The following MRAS variants were observed in gnomAD, a reference collection of about 807,000 sequenced individuals.
MRAS encodes ras-related protein M-Ras.
A neutral mutation model predicts 20.9 loss-of-function variants in MRAS; 4 were observed. The observed-to-expected ratio is 0.19, with a 90% CI of 0.09 to 0.44. The LOEUF (loss-of-function observed/expected upper bound fraction) is 0.44, where lower values mean the gene tolerates loss of function less well. Among genes scored for constraint, MRAS ranks in the 20% least tolerant of loss-of-function variants. The pLI, the probability that MRAS is intolerant of heterozygous loss-of-function variation, is 0.99. For missense variants in MRAS, 154 were observed against 277.5 expected (o/e 0.56, Z 3.16); for synonymous variants, 98 against 102.9 (o/e 0.95, Z 0.29).
intron 1 of MRAS, among the ~76,000 whole-genome samples, chr3:138,351,650 G>A (rs74985933): frequency 0.015 from 2,270 of 152,318 alleles, 18 homozygotes; most frequent in Middle Eastern, 0.027. Flanking sequence ...CAGTAAGTAA[G>A]ATTAAGCAGA....
intron 2 of MRAS, among the ~76,000 whole-genome samples, chr3:138,391,491 A>G (rs993802536): frequency 2.0e-5 from 3 of 152,234 alleles, no homozygotes; most frequent in Admixed American, 6.5e-5. Flanking sequence ...TCAAAATCTG[A>G]AACTTTTTGA....
intron 5 of MRAS, among the ~76,000 whole-genome samples, chr3:138,400,907 A>G (rs1231974185): frequency 6.6e-6 from 1 of 152,156 alleles, no homozygotes; most frequent in Non-Finnish European, 1.5e-5. Flanking sequence ...AGCTCCCTCC[A>G]GCCTGGCTTC....
chr3:138,367,321 C>T (rs1221951236), intron 1 of MRAS, among the ~76,000 whole-genome samples: 1 of 152,158 alleles, frequency 6.6e-6, no homozygotes, highest in Non-Finnish European at 1.5e-5. Flanking sequence ...GGAAACTGGG[C>T]ACCAGGAAGT....
chr3:138,359,759 C>T (rs1288173412), intron 1 of MRAS, among the ~76,000 whole-genome samples: 1 of 152,160 alleles, frequency 6.6e-6, no homozygotes, highest in Non-Finnish European at 1.5e-5. Context: ...CCTTTGATCT[C>T]ACACCTCCTT....
chr3:138,349,177 G>A (rs1560155342), intron 1 of MRAS: 2 of 152,194 alleles, frequency 1.3e-5, no homozygotes, highest in Non-Finnish European at 2.9e-5. Flanking sequence ...GATCCGCCAG[G>A]GAGTTGACAA....
intron 1 of MRAS, among the ~76,000 whole-genome samples, chr3:138,365,750 C>G (rs1436921661): frequency 6.6e-6 from 1 of 152,220 alleles, no homozygotes; most frequent in Non-Finnish European, 1.5e-5. Flanking sequence ...AACAGATTTT[C>G]TCTCTGGAGC....
intron 3 of MRAS, 24 bp downstream of exon 3, chr3:138,397,501 G>T (rs763014668): frequency 6.2e-7 from 1 of 1,613,120 alleles, no homozygotes; most frequent in Non-Finnish European, 8.5e-7. Context: ...ACAGGTGAGA[G>T]TACCGGGAAG....
chr3:138,373,321 C>T (rs1334434181), intron 2 of MRAS, among the ~76,000 whole-genome samples: 1 of 152,204 alleles, frequency 6.6e-6, no homozygotes, highest in African/African-American at 2.4e-5. Flanking sequence ...ATCATGCCAA[C>T]TCAGTGATGT....
chr3:138,394,509 G>A (rs1301862019), intron 2 of MRAS, among the ~76,000 whole-genome samples: 2 of 152,122 alleles, frequency 1.3e-5, no homozygotes, highest in Non-Finnish European at 2.9e-5. Flanking sequence ...CCCAGGCATC[G>A]CTGGATAGCT....
At chr3:138,394,103 A>G (rs1386618785) in intron 2 of MRAS, among the ~76,000 whole-genome samples, 2 of 113,330 alleles carry the variant, frequency 1.8e-5, no homozygotes, top group Non-Finnish European at 4.2e-5. Context: ...TTTTCTAAGA[A>G]AAAAAAAAGC....
At chr3:138,396,432 G>T (rs1051286343) in intron 2 of MRAS, among the ~76,000 whole-genome samples, 2 of 152,174 alleles carry the variant, frequency 1.3e-5, no homozygotes, top group Non-Finnish European at 2.9e-5. Flanking sequence ...GCAGCAGGGG[G>T]ACTGGGAAGA....
intron 1 of MRAS, among the ~76,000 whole-genome samples, chr3:138,361,743 C>T (rs777456240): frequency 1.1e-3 from 171 of 152,140 alleles, no homozygotes; most frequent in Non-Finnish European, 1.1e-3. Flanking sequence ...TGGGGAACCC[C>T]AGAGTGTGCA....
At chr3:138,350,589 T>G (rs1024137422) in intron 1 of MRAS, among the ~76,000 whole-genome samples, 3 of 152,178 alleles carry the variant, frequency 2.0e-5, no homozygotes, top group African/African-American at 7.2e-5. Context: ...AGCGATTGTC[T>G]CCAGCGTTGT....
chr3:138,405,026 CT>C lies in MRAS; in HGVS notation c.*2765del, dbSNP rs2055430439. 2 of 152,298 alleles carry C rather than the reference CT, an allele frequency of 1.3e-5. No individual in the cohort carries two copies. The highest frequency in any genetic ancestry group is 2.9e-5 in the Non-Finnish European group (2 of 68,074). The allele number at this position is 152,298 out of a possible 1,614,324, so 9.4% of individuals were successfully genotyped here. On this transcript the variant is annotated 3_prime_UTR_variant, in exon 6 of 6. Coordinates refer to ENST00000423968, the MANE Select transcript of MRAS (RefSeq NM_001085049.3). Reference sequence around the variant, plus strand: ...TTGACACCCTCCTTAGAGGGCTGCTCTTTTTTTTCCAGAGATAATCCTAGCC... The same window carrying C: ...TTGACACCCTCCTTAGAGGGCTGCTCTTTTTTTCCAGAGATAATCCTAGCC...
At position 138,403,375 on chromosome 3, in the gene MRAS, AT is replaced by A. The variant is rs2055398305; in HGVS notation, c.*1107del. ...TAACCAAAAATGATTCAATACTGTT[AT>A]CACTAAAACAGCACCAAGACCTGAA... is the stretch of plus-strand genomic sequence containing the variant. On this transcript the variant is annotated 3_prime_UTR_variant, in exon 6 of 6. Transcript: ENST00000423968. 1 of 152,282 alleles carries A rather than the reference AT, an allele frequency of 6.6e-6. No individual in the cohort carries two copies. 9.4% of individuals were successfully genotyped at this position (152,282 alleles called of 1,614,324 possible). A position where few individuals can be genotyped will look rare whatever the true frequency, so the allele number is the denominator to read the frequency against.
chr3:138,394,688 CCT>C (rs1488546745), intron 2 of MRAS, among the ~76,000 whole-genome samples: 1 of 152,206 alleles, frequency 6.6e-6, no homozygotes, highest in Non-Finnish European at 1.5e-5. Flanking sequence ...TCCCCCAAAC[CCT>C]GTTTCTCACC....
intron 2 of MRAS, 33 bp from the exon 3 acceptor site, chr3:138,397,291 G>A: frequency 6.2e-7 from 1 of 1,610,290 alleles, no homozygotes. Flanking sequence ...GGGTAGGTGA[G>A]GACAGCCCCT....
chr3:138,357,326 C>CT (rs1018911927), intron 1 of MRAS, among the ~76,000 whole-genome samples: 2 of 152,238 alleles, frequency 1.3e-5, no homozygotes, highest in African/African-American at 4.8e-5. Context: ...GACTCAGGGA[C>CT]TTTCAGTCCT....
chr3:138,383,600 T>A lies in MRAS; in HGVS notation c.193+10524T>A, dbSNP rs148779585. Among the ~76,000 whole-genome samples the A allele has an allele frequency of 8.5e-4, 129 of 152,176 alleles. 1 individual carries two copies. The highest frequency in any genetic ancestry group is 2.8e-3 in the African/African-American group (117 of 41,514). On this transcript the variant is annotated intron_variant, in intron 2 of 5. Coordinates refer to ENST00000423968, the MANE Select transcript of MRAS (RefSeq NM_001085049.3). ...CCCTGTGTCTAGGGAGGTTCAGGAGTGAGGCTTGAGCCCCTGACTTAGGGA... is the reference window on the plus strand; with the variant it reads ...CCCTGTGTCTAGGGAGGTTCAGGAGAGAGGCTTGAGCCCCTGACTTAGGGA...
Sources: allele counts gnomAD v4.1 joint callset (sites outside exome capture counted in the v4.1 genomes callset), GRCh38; gene constraint gnomAD v4.1.1; transcripts MANE v1.5; gene names NCBI Gene and HGNC (gene_info 2026-07-23, HGNC 2026-07-21).